The following ARPC1B variants were observed in gnomAD, a reference collection of about 807,000 sequenced individuals.
ARPC1B encodes the protein actin related protein 2/3 complex subunit 1B, also known as actin-related protein 2/3 complex subunit 1B.
In ARPC1B, 29 loss-of-function variants were observed where a neutral mutation model predicts 46.0. The observed-to-expected ratio is 0.63, with a 90% CI of 0.47 to 0.86. The LOEUF is 0.86. ARPC1B is among the 40% of genes least tolerant of loss of function. The pLI is 0.00. For synonymous variants in ARPC1B, 201 were observed against 213.9 expected, an observed-to-expected ratio of 0.94 and a Z score of 0.53; for missense variants, 469 against 529.4, an observed-to-expected ratio of 0.89 and a Z score of 1.12.
Position 99,394,678 on chromosome 7 carries a change from C to A in ARPC1B, c.*189C>A. ...CTATTCAAGGAATACGTGCCTTTTT[C>A]TTAAATGCTTTCATTTATTGAAAAA... On this transcript the variant is annotated 3_prime_UTR_variant, in exon 10 of 10. Transcript: ENST00000646101. 8.0e-7 allele frequency: 1 copy of A among 1,250,334 alleles called. No individual in the cohort carries two copies. Among genetic ancestry groups the A allele is most frequent in the Non-Finnish European group, 1.0e-6 (1 of 1,004,900 alleles). 77.5% of individuals were successfully genotyped at this position (1,250,334 alleles called of 1,614,324 possible). A position where few individuals can be genotyped will look rare whatever the true frequency, so the allele number is the denominator to read the frequency against.
chr7:99,377,261 A>C (rs1416870303), intron 1 of ARPC1B: 1 of 151,298 alleles, frequency 6.6e-6, no homozygotes, highest in Non-Finnish European at 1.5e-5. Context: ...GGCCTCCCAA[A>C]GTGCTGGGGT....
chr7:99,391,039 G>T lies in ARPC1B; in HGVS notation c.647G>T (p.Arg216Leu), dbSNP rs760543643. 1 of 1,613,926 alleles carries T rather than the reference G, an allele frequency of 6.2e-7. No individual in the cohort carries two copies. The highest frequency in any genetic ancestry group is 8.5e-7 in the Non-Finnish European group (1 of 1,179,998). The change falls in exon 6 of 10, where the codon CGC (arginine) becomes CTC (leucine). Residue 216 changes from arginine to leucine, a missense_variant. Transcript: ENST00000646101. Reference protein sequence around the residue: ...HGVCFSASGSRVAWVSHDSTV... With the variant: ...HGVCFSASGSLVAWVSHDSTV... Reference sequence around the variant, plus strand: ...GTCTGTTTCTCAGCCAGCGGGAGCCGCGTGGCCTGGGTAAGCCACGACAGC... The same window carrying T: ...GTCTGTTTCTCAGCCAGCGGGAGCCTCGTGGCCTGGGTAAGCCACGACAGC...
intron 1 of ARPC1B, among the ~76,000 whole-genome samples, chr7:99,383,739 G>T (rs1794296402): frequency 6.6e-6 from 1 of 152,298 alleles, no homozygotes; most frequent in Admixed American, 6.5e-5. Context: ...CTAGGGAACA[G>T]CCAGCACGGA....
intron 2 of ARPC1B, among the ~76,000 whole-genome samples, chr7:99,386,049 C>A (rs1189905953): frequency 6.6e-6 from 1 of 151,976 alleles, no homozygotes; most frequent in African/African-American, 2.4e-5. Flanking sequence ...TCAGGAGTTC[C>A]AGACCAGCTT....
chr7:99,387,992 C>A, intron 3 of ARPC1B, 47 bp from the exon 4 acceptor site: 1 of 1,340,414 alleles, frequency 7.5e-7, no homozygotes, highest in Non-Finnish European at 1.1e-6. Flanking sequence ...ACAGCCACCT[C>A]TGCCTGAGTG....
chr7:99,392,454 T>C (rs1794597535), intron 7 of ARPC1B, among the ~76,000 whole-genome samples: 1 of 152,166 alleles, frequency 6.6e-6, no homozygotes, highest in Admixed American at 6.5e-5. Flanking sequence ...GCGCCTGAGC[T>C]CCCAGGGAGT....
intron 1 of ARPC1B, among the ~76,000 whole-genome samples, chr7:99,375,713 A>G (rs943778870): frequency 6.6e-5 from 10 of 152,190 alleles, no homozygotes; most frequent in African/African-American, 2.4e-4. Context: ...GCTTGAGGCC[A>G]GGAGTTGGAG....
At chr7:99,385,368 G>A (rs1449435934) in intron 1 of ARPC1B, among the ~76,000 whole-genome samples, 1 of 151,232 alleles carries the variant, frequency 6.6e-6, no homozygotes, top group Non-Finnish European at 1.5e-5. Flanking sequence ...TGAGGGGCCT[G>A]TCCAGCTTGG....
At chr7:99,384,203 C>T (rs1794311029) in intron 1 of ARPC1B, 1 of 152,548 alleles carries the variant, frequency 6.6e-6, no homozygotes, top group South Asian at 2.1e-4. Context: ...CTGGCAGGGG[C>T]TGAGCTGGGC....
In ARPC1B at chr7:99,392,667, G is replaced by A. The variant is rs1794606099; in HGVS notation, c.784-4G>A. ...CGCTCCAATGGCCCCCGCCCTCCGCGCAGGGCCACGACTGCTTCCCGGTGC... is the reference window on the plus strand; with the variant it reads ...CGCTCCAATGGCCCCCGCCCTCCGCACAGGGCCACGACTGCTTCCCGGTGC... On this transcript the variant is annotated splice_polypyrimidine_tract_variant and splice_region_variant and intron_variant, in intron 7 of 9. Coordinates refer to ENST00000646101, the MANE Select transcript of ARPC1B (RefSeq NM_005720.4). 11 of 1,511,282 alleles carry A rather than the reference G, an allele frequency of 7.3e-6. No homozygotes were observed. The East Asian group carries it at 1.0e-4, about 14-fold the overall frequency. 93.6% of individuals were successfully genotyped at this position (1,511,282 alleles called of 1,614,324 possible).
chr7:99,388,097 C>G lies in ARPC1B; in HGVS notation c.228C>G (p.Ala76=). Residue 76 remains alanine (A), a synonymous_variant, in exon 4 of 10, where the codon GCC becomes GCG. Transcript: ENST00000646101. Reference sequence around the variant, plus strand: ...TGACCTGCGGCACAGACCGCAACGCCTACGTGTGGACGCTGAAGGGCCGCA... The same window carrying G: ...TGACCTGCGGCACAGACCGCAACGCGTACGTGTGGACGCTGAAGGGCCGCA... ...RIVTCGTDRN[A]YVWTLKGRTW... The G allele has an allele frequency of 1.2e-6, 2 of 1,614,158 alleles. No individual in the cohort carries two copies. The highest frequency in any genetic ancestry group is 1.7e-6 in the Non-Finnish European group (2 of 1,179,994).
At chr7:99,375,277 CT>C (rs1223564657) in intron 1 of ARPC1B, among the ~76,000 whole-genome samples, 1 of 152,214 alleles carries the variant, frequency 6.6e-6, no homozygotes, top group Non-Finnish European at 1.5e-5. Context: ...TCCCCGGAGC[CT>C]TCCGGGTTGC....
At chr7:99,376,115 G>C (rs1794026089) in intron 1 of ARPC1B, among the ~76,000 whole-genome samples, 1 of 151,186 alleles carries the variant, frequency 6.6e-6, no homozygotes, top group Non-Finnish European at 1.5e-5. Flanking sequence ...TACTTAGGAG[G>C]ATGAGGCAAG....
At chr7:99,392,161 A>G (rs1219518224) in intron 7 of ARPC1B, 1 of 154,852 alleles carries the variant, frequency 6.5e-6, no homozygotes, top group East Asian at 1.9e-4. Context: ...CTGCGGAATC[A>G]TGCCCTGGGT....
At chr7:99,388,304 G>A in intron 4 of ARPC1B, 43 bp downstream of exon 4, 1 of 1,596,580 alleles carries the variant, frequency 6.3e-7, no homozygotes, top group Non-Finnish European at 8.6e-7. Context: ...TAGGGACCGG[G>A]GGCAGGACTA....
In ARPC1B at chr7:99,393,398, C is replaced by T. The variant is rs115988154; in HGVS notation, c.989+522C>T. Reference sequence around the variant, plus strand: ...AGGTGGGGACTGTCGTAGGGCTGGCCCCTACGGTTCTCTGGGGTGGCCAGG... The same window carrying T: ...AGGTGGGGACTGTCGTAGGGCTGGCTCCTACGGTTCTCTGGGGTGGCCAGG... On this transcript the variant is annotated intron_variant, in intron 8 of 9. Transcript: ENST00000646101. Among the ~76,000 whole-genome samples, 952 of 152,190 alleles carry T rather than the reference C, an allele frequency of 6.3e-3. 12 individuals carry two copies. The highest frequency in any genetic ancestry group is 0.022 in the African/African-American group (912 of 41,524).
chr7:99,379,587 C>T (rs891153304), intron 1 of ARPC1B, among the ~76,000 whole-genome samples: 4 of 152,082 alleles, frequency 2.6e-5, no homozygotes, highest in Admixed American at 6.6e-5. Context: ...AGAAGGGTCC[C>T]GCAGCCTGTG....
chr7:99,382,048 A>G (rs2150888743), intron 1 of ARPC1B, among the ~76,000 whole-genome samples: 1 of 152,306 alleles, frequency 6.6e-6, no homozygotes, highest in East Asian at 1.9e-4. Flanking sequence ...CACATCTGTC[A>G]TCTGGAGCTG....
At chr7:99,382,753 C>T (rs1429831298) in intron 1 of ARPC1B, among the ~76,000 whole-genome samples, 1 of 151,910 alleles carries the variant, frequency 6.6e-6, no homozygotes, top group East Asian at 1.9e-4. Context: ...GGGTTACAGG[C>T]ATGAGCCACT....
Sources: allele counts gnomAD v4.1 joint callset (sites outside exome capture counted in the v4.1 genomes callset), GRCh38; gene constraint gnomAD v4.1.1; transcripts MANE v1.5; gene names NCBI Gene and HGNC (gene_info 2026-07-23, HGNC 2026-07-21).